Variants in MUC6 observed in about 807,000 individuals in gnomAD.
The protein encoded by MUC6 is mucin-6.
MUC6 carries 188 observed loss-of-function variants against 201.5 expected under a neutral mutation model. That is an observed-to-expected ratio of 0.93 (90% CI 0.83 to 1.05). The LOEUF (loss-of-function observed/expected upper bound fraction) is 1.05, where lower values mean the gene tolerates loss of function less well. MUC6 is among the 50% of genes least tolerant of loss of function. MUC6 has a pLI of 0.00. For missense variants in MUC6, 2,706 were observed against 3,256.9 expected (o/e 0.83, Z 4.12); for synonymous variants, 1,228 against 1,389.4 (o/e 0.88, Z 2.58).
intron 27 of MUC6, 22 bp downstream of exon 27, chr11:1,021,193 C>T: frequency 3.2e-6 from 5 of 1,555,138 alleles, no homozygotes; most frequent in Admixed American, 2.1e-5. Context: ...GCAGGGTTCT[C>T]AGGGCAGCCG....
intron 24 of MUC6, among the ~76,000 whole-genome samples, chr11:1,024,422 GTGC>G (rs1294183998): frequency 3.3e-5 from 5 of 152,228 alleles, no homozygotes; most frequent in Admixed American, 6.5e-5. Context: ...CAGCGGGCCA[GTGC>G]CATGCTGTTC....
intron 29 of MUC6, chr11:1,019,784 A>G (rs1460982439): frequency 1.6e-5 from 10 of 618,856 alleles, no homozygotes; most frequent in Non-Finnish European, 2.6e-5. Context: ...GTCCCTGGGC[A>G]GCAGATGGGG....
intron 28 of MUC6, 45 bp from the exon 29 acceptor site, chr11:1,020,302 T>C: frequency 6.4e-7 from 1 of 1,556,848 alleles, no homozygotes; most frequent in Non-Finnish European, 8.7e-7. Flanking sequence ...TACCGGCATA[T>C]CCTTGGGGAG....
Position 1,024,068 on chromosome 11 carries a change from G to T in MUC6, c.3261C>A (p.Arg1087=), listed in dbSNP as rs374502122. Residue 1087 remains arginine, a synonymous_variant, in exon 25 of 33, where the codon CGC becomes CGA. Coordinates refer to ENST00000421673, the MANE Select transcript of MUC6 (RefSeq NM_005961.3). ...CGCCACTGTCACACCCACATGCGTC[G>T]CGCACGCAGGCCTCGTAGTAGGGCA... ...YHLPYYEACV[R]DACGCDSGGD... is the part of the protein sequence containing the mutation. The T allele has an allele frequency of 1.9e-6, 3 of 1,613,064 alleles. No homozygotes were observed. Among genetic ancestry groups the T allele is most frequent in the Non-Finnish European group, 1.7e-6 (2 of 1,179,784 alleles).
chr11:1,034,558 G>A (rs545085677), intron 1 of MUC6, among the ~76,000 whole-genome samples: 26 of 152,090 alleles, frequency 1.7e-4, no homozygotes, highest in Admixed American at 1.7e-3. Context: ...TGGGGCCCTC[G>A]CTGGCCTCTG....
At chr11:1,028,429 C>T (rs763881512) in intron 13 of MUC6, 42 bp from the exon 14 acceptor site, 3 of 1,600,122 alleles carry the variant, frequency 1.9e-6, no homozygotes, top group Non-Finnish European at 2.6e-6. Flanking sequence ...CCCATCCCTC[C>T]TGCACCCATT....
At chr11:1,026,576 T>G (rs140625933) in intron 19 of MUC6, 98 bp from the exon 20 acceptor site, 259 of 1,334,964 alleles carry the variant, frequency 1.9e-4, no homozygotes, top group Middle Eastern at 2.7e-4. Context: ...GTCTCCCAGG[T>G]CCTCTCCCTG....
At chr11:1,034,957 T>C (rs985628831) in intron 1 of MUC6, among the ~76,000 whole-genome samples, 5 of 152,178 alleles carry the variant, frequency 3.3e-5, no homozygotes, top group African/African-American at 9.7e-5. Flanking sequence ...CCAGACTGGC[T>C]GTGCTTCCCC....
chr11:1,019,517 G>GA, intron 29 of MUC6, 21 bp from the exon 30 acceptor site: 1 of 1,599,708 alleles, frequency 6.3e-7, no homozygotes, highest in Non-Finnish European at 8.6e-7. Flanking sequence ...CAGCCGCCCG[G>GA]AACATCCCCT....
rs1856728139 is a variant in MUC6, at chr11:1,018,413, A to G, written c.4388T>C (p.Ile1463Thr). 6.2e-7 allele frequency: 1 copy of G among 1,613,966 alleles called. No individual in the cohort carries two copies. Among genetic ancestry groups the G allele is most frequent in the African/African-American group, 1.3e-5 (1 of 74,958 alleles). ...SLVTPSTHTV[I>T]TPTHAQMATS... ...GGCCATCTGTGCGTGGGTAGGGGTG[A>G]TGACTGTGTGAGTACTTGGAGTCAC... Residue 1463 changes from isoleucine (I) to threonine (T), a missense_variant, in exon 31 of 33, where the codon ATC (isoleucine) becomes ACC (threonine). This residue lies in a region of MUC6 where 128 missense variants were observed against 206.5 expected (regional missense o/e 0.62). Transcript: ENST00000421673.
rs757625866 is a variant in MUC6, at chr11:1,025,856, G to A, written c.2748C>T (p.Ile916=). The change falls in exon 22 of 33, where the codon ATC becomes ATT. Residue 916 remains isoleucine, a synonymous_variant. Coordinates refer to ENST00000421673, the MANE Select transcript of MUC6 (RefSeq NM_005961.3). ...PTFKILTENV[I]CGNSGVTCSR... is the part of the protein sequence containing the mutation. ...AGCATGTGACCCCGGAGTTCCCACA[G>A]ATGACGTTCTCTGTCAGGATCTTGA... 5.6e-6 allele frequency: 9 copies of A among 1,612,976 alleles called. No homozygotes were observed. The highest frequency in any genetic ancestry group is 1.6e-4 in the Middle Eastern group (1 of 6,084).
At chr11:1,030,370 A>ACCCCCCCCCCCCCCCCCCCCCCCCCCCCC in intron 7 of MUC6, 35 bp from the exon 8 acceptor site, 1 of 992,836 alleles carries the variant, frequency 1.0e-6, no homozygotes, top group Non-Finnish European at 1.3e-6. Context: ...AGAGGGTCCC[A>ACCCCCCCCCCCCCCCCCCCCCCCCCCCCC]CCCCCCCCAC....
rs947759361 is a variant in MUC6 at position 1,013,205 on chromosome 11, G to A, written c.*251C>T. On this transcript the variant is annotated 3_prime_UTR_variant, in exon 33 of 33. Coordinates refer to ENST00000421673, the MANE Select transcript of MUC6 (RefSeq NM_005961.3). ...GGTCGGGAGTGCCCTGTGTGCCTGG[G>A]AGGTCCGTGACCACTGTCCGCCTCA... 5 of 545,364 alleles carry A rather than the reference G, an allele frequency of 9.2e-6. No homozygotes were observed. The highest frequency in any genetic ancestry group is 5.8e-5 in the African/African-American group (3 of 51,334). The allele number at this position is 545,364 out of a possible 1,614,324, so 33.8% of individuals were successfully genotyped here.
At chr11:1,022,454 A>G (rs895663874) in intron 26 of MUC6, among the ~76,000 whole-genome samples, 2 of 152,162 alleles carry the variant, frequency 1.3e-5, no homozygotes, top group Non-Finnish European at 2.9e-5. Context: ...TCCTCTGGAC[A>G]CTTTCCTGGC....
rs1028978161 is a variant in MUC6, at chr11:1,033,680, C to T, written c.53-605G>A. ...TCACGGTGACTCCAGGGCAGGGCAG[C>T]GGGGGACGTCCCACCCTGACTCCCA... is the stretch of plus-strand genomic sequence containing the variant. On this transcript the variant is annotated intron_variant, in intron 1 of 32. Transcript: ENST00000421673. The surrounding 1 kb of genome is among the most constrained non-coding windows in gnomAD (Gnocchi z 5.6). Among the ~76,000 whole-genome samples, 45 of 152,130 alleles carry T rather than the reference C, an allele frequency of 3.0e-4. No homozygotes were observed. Among genetic ancestry groups the T allele is most frequent in the African/African-American group, 1.0e-3 (42 of 41,508 alleles).
At position 1,015,913 on chromosome 11, in the gene MUC6, G is replaced by A. The variant is rs557328149; in HGVS notation, c.6888C>T (p.Pro2296=). Residue 2296 remains proline (P), a synonymous_variant, in exon 31 of 33, where the codon CCC becomes CCT. Coordinates refer to ENST00000421673, the MANE Select transcript of MUC6 (RefSeq NM_005961.3). ...VSLTSGVTGI[P]TSPVTNLTTR... is the part of the protein sequence containing the mutation. ...TGGTAAGGTTGGTGACTGGAGAGGT[G>A]GGGATACCCGTCACCCCCGAGGTGA... 1.2e-6 allele frequency: 2 copies of A among 1,605,478 alleles called. No homozygotes were observed. Among genetic ancestry groups the A allele is most frequent in the South Asian group, 1.1e-5 (1 of 89,476 alleles).
chr11:1,020,848 G>A, intron 27 of MUC6, 114 bp from the exon 28 acceptor site: 1 of 1,336,094 alleles, frequency 7.5e-7, no homozygotes, highest in Non-Finnish European at 1.0e-6. Context: ...GTGGTGGAGG[G>A]GACTGGAGGG....
At position 1,029,297 on chromosome 11, in the gene MUC6, G is replaced by A. The variant is rs370984029; in HGVS notation, c.1206C>T (p.Gly402=). 14 of 1,606,556 alleles carry A rather than the reference G, an allele frequency of 8.7e-6. No individual in the cohort carries two copies. Among genetic ancestry groups the A allele is most frequent in the South Asian group, 1.1e-5 (1 of 89,818 alleles). ...PCPGHCSLEG[G]SFVTTFDARP... is the part of the protein sequence containing the mutation. Reference sequence around the variant, plus strand: ...TGGCGTCAAATGTGGTAACAAAGGAGCCACCTTCCAGGGAGCAGTGTCCGG... The same window carrying A: ...TGGCGTCAAATGTGGTAACAAAGGAACCACCTTCCAGGGAGCAGTGTCCGG... The change falls in exon 10 of 33, where the codon GGC becomes GGT. Residue 402 remains glycine, a synonymous_variant. Coordinates refer to ENST00000421673, the MANE Select transcript of MUC6 (RefSeq NM_005961.3).
Position 1,025,301 on chromosome 11 carries a change from C to T in MUC6, c.2866G>A (p.Gly956Arg), listed in dbSNP as rs780674226. ...AGGCTCAGCGCACCCGGCGTCACCC[C>T]GAGCTGCACGTGGGGCTCCTCCCCG... is the stretch of plus-strand genomic sequence containing the variant. ...VTGEEPHVQL[G>R]VTPGALSLVV... Residue 956 changes from glycine (G) to arginine (R), a missense_variant, in exon 23 of 33, where the codon GGG becomes AGG. By Grantham distance (125) the Gly-to-Arg change is moderately radical. This residue lies in a region of MUC6 where 1,850 missense variants were observed against 1,958.3 expected (regional missense o/e 0.94). Coordinates refer to ENST00000421673, the MANE Select transcript of MUC6 (RefSeq NM_005961.3). 1.2e-4 allele frequency: 196 copies of T among 1,612,666 alleles called. No individual in the cohort carries two copies. Among genetic ancestry groups the T allele is most frequent in the South Asian group, 8.7e-4 (79 of 91,082 alleles).
Sources: allele counts gnomAD v4.1 joint callset (sites outside exome capture counted in the v4.1 genomes callset), GRCh38; gene constraint gnomAD v4.1.1; regional missense constraint gnomAD v4.1.1; non-coding constraint Gnocchi (gnomAD v3.1); transcripts MANE v1.5; gene names NCBI Gene and HGNC (gene_info 2026-07-23, HGNC 2026-07-21).